The following BRD10 variants were observed in gnomAD, a reference collection of about 807,000 sequenced individuals.
BRD10 encodes the protein bromodomain containing 10.
At chr9:5,902,795 T>C in the BRD10 span, among the ~76,000 whole-genome samples, 1 of 152,098 alleles carries the variant, frequency 6.6e-6, no homozygotes, top group Admixed American at 6.6e-5. Context: ...GCATGAGCCA[T>C]TGTGCTCTGC....
At chr9:5,914,949 T>G in the BRD10 span, among the ~76,000 whole-genome samples, 2 of 152,016 alleles carry the variant, frequency 1.3e-5, no homozygotes, top group Non-Finnish European at 1.5e-5. Flanking sequence ...TGTACCTCAA[T>G]AAATTTAGGT....
chr9:5,954,061 CTTT>C, the BRD10 span: 1 of 1,564,424 alleles, frequency 6.4e-7, no homozygotes, highest in Non-Finnish European at 8.7e-7. Context: ...TTTTCCTCTT[CTTT>C]GTGATTGCTT....
At chr9:5,929,453 T>C in the BRD10 span, among the ~76,000 whole-genome samples, 2 of 152,290 alleles carry the variant, frequency 1.3e-5, no homozygotes, top group South Asian at 2.1e-4. Flanking sequence ...TTGTTAAATA[T>C]ATGTAAAAAC....
the BRD10 span, among the ~76,000 whole-genome samples, chr9:5,965,288 C>A: frequency 6.6e-6 from 1 of 151,610 alleles, no homozygotes; most frequent in Non-Finnish European, 1.5e-5. Flanking sequence ...GTAATCATTA[C>A]TCGAAAAAAA....
the BRD10 span, chr9:5,920,030 G>A: frequency 3.7e-6 from 6 of 1,613,994 alleles, no homozygotes; most frequent in East Asian, 4.5e-5. Flanking sequence ...AACCTTAGCA[G>A]TTGTGTTTAT....
chr9:5,936,050 T>C, the BRD10 span, among the ~76,000 whole-genome samples: 183 of 152,322 alleles, frequency 1.2e-3, 1 homozygote, highest in Middle Eastern at 0.02. Flanking sequence ...TTTTTTCAAT[T>C]GCTTTTTAAA....
chr9:5,917,139 ATGAT>A, the BRD10 span, among the ~76,000 whole-genome samples: 49 of 152,234 alleles, frequency 3.2e-4, no homozygotes, highest in Non-Finnish European at 5.4e-4. Flanking sequence ...AATAATGATG[ATGAT>A]TGATAAGGTT....
the BRD10 span, chr9:5,923,340 AT>A: frequency 1.2e-5 from 18 of 1,500,026 alleles, no homozygotes; most frequent in East Asian, 3.6e-4. Flanking sequence ...CATTTTGTTT[AT>A]ATAAAACAGC....
At chr9:5,956,579 G>A in the BRD10 span, among the ~76,000 whole-genome samples, 6,901 of 152,176 alleles carry the variant, frequency 0.045, 418 homozygotes, top group African/African-American at 0.14. Context: ...CACCCCAAAA[G>A]CTTATACTAC....
chr9:5,885,104 G>A, the BRD10 span, among the ~76,000 whole-genome samples: 1 of 152,064 alleles, frequency 6.6e-6, no homozygotes, highest in South Asian at 2.1e-4. Flanking sequence ...TTCCCCTTTC[G>A]ACCCCTGCCT....
the BRD10 span, among the ~76,000 whole-genome samples, chr9:5,899,500 C>A: frequency 6.6e-6 from 1 of 152,120 alleles, no homozygotes; most frequent in Non-Finnish European, 1.5e-5. Context: ...GTGCTGACAT[C>A]TAGTGGGAAG....
the BRD10 span, among the ~76,000 whole-genome samples, chr9:6,000,216 T>C: frequency 6.6e-6 from 1 of 152,144 alleles, no homozygotes; most frequent in Non-Finnish European, 1.5e-5. Flanking sequence ...TGCTTATTTC[T>C]GGAACATTCA....
chr9:5,936,346 C>T, the BRD10 span, among the ~76,000 whole-genome samples: 2 of 152,124 alleles, frequency 1.3e-5, no homozygotes, highest in Non-Finnish European at 2.9e-5. Flanking sequence ...CAGAGTGAGA[C>T]CCTGTCTCAA....
At chr9:5,969,474 A>G in the BRD10 span, 1 of 1,295,002 alleles carries the variant, frequency 7.7e-7, no homozygotes, top group Non-Finnish European at 1.0e-6. Flanking sequence ...TATTATTCAG[A>G]GGGTACCATA....
At chr9:5,889,202 C>A in the BRD10 span, among the ~76,000 whole-genome samples, 1 of 152,190 alleles carries the variant, frequency 6.6e-6, no homozygotes, top group Non-Finnish European at 1.5e-5. Context: ...CATGACAGCA[C>A]CTAACCACAT....
chr9:5,897,683 TCC>T, the BRD10 span: 5 of 1,573,594 alleles, frequency 3.2e-6, no homozygotes, highest in Non-Finnish European at 4.4e-6. Flanking sequence ...CTGAAATCCC[TCC>T]AAGTCCAGGG....
the BRD10 span, chr9:5,921,459 C>G: frequency 6.2e-7 from 1 of 1,613,926 alleles, no homozygotes; most frequent in South Asian, 1.1e-5. Flanking sequence ...CCACTAGGAA[C>G]TGGGGCATTA....
the BRD10 span, among the ~76,000 whole-genome samples, chr9:5,961,970 C>G: frequency 3.3e-5 from 5 of 151,998 alleles, no homozygotes; most frequent in African/African-American, 2.4e-5. Context: ...TTTTGTGTCT[C>G]TATTTCCTTC....
chr9:6,007,358 C>T, the BRD10 span: 1 of 1,613,438 alleles, frequency 6.2e-7, no homozygotes, highest in Non-Finnish European at 8.5e-7. Context: ...GCGAACTTCT[C>T]TTCCATCTGC....
Sources: allele counts gnomAD v4.1 joint callset (sites outside exome capture counted in the v4.1 genomes callset), GRCh38; gene constraint gnomAD v4.1.1; transcripts MANE v1.5; gene names NCBI Gene and HGNC (gene_info 2026-07-23, HGNC 2026-07-21).